CHDH: variants seen among roughly 807,000 people sequenced by gnomAD.
CHDH encodes the protein choline dehydrogenase.
In CHDH, 43 loss-of-function variants were observed where a neutral mutation model predicts 56.9. The ratio of observed to expected loss-of-function variants is 0.76; its 90% CI spans 0.59 to 0.97. The LOEUF (loss-of-function observed/expected upper bound fraction) is 0.97. Among genes scored for constraint, CHDH ranks in the 50% least tolerant of loss-of-function variants. CHDH has a pLI of 0.00. For missense variants in CHDH, 816 were observed against 821.1 expected, an observed-to-expected ratio of 0.99 and a Z score of 0.08; for synonymous variants, 364 against 348.5, an observed-to-expected ratio of 1.04 and a Z score of -0.50.
At chr3:53,842,957 G>C (rs142639028) in intron 1 of CHDH, among the ~76,000 whole-genome samples, 1 of 152,164 alleles carries the variant, frequency 6.6e-6, no homozygotes. Context: ...CACTCTTCAC[G>C]AGACAATGAA....
At position 53,815,140 on chromosome 3, in the gene CHDH, TCTA is replaced by T. The variant is rs2095613665; in HGVS notation, c.*2634_*2636del. On this transcript the variant is annotated 3_prime_UTR_variant, in exon 9 of 9. Coordinates refer to ENST00000315251, the MANE Select transcript of CHDH (RefSeq NM_018397.5). ...TCCCCTATTCCATCAGGAGCTGCCT[TCTA>T]CTAGTGCAGCGGCTTCAACACAGGC... The T allele has an allele frequency of 6.6e-6, 1 of 152,262 alleles. No individual in the cohort carries two copies. Among genetic ancestry groups the T allele is most frequent in the Non-Finnish European group, 1.5e-5 (1 of 68,062 alleles). 9.4% of individuals were successfully genotyped at this position (152,262 alleles called of 1,614,324 possible).
Position 53,843,604 on chromosome 3 carries a change from G to T in CHDH, c.-131+2479C>A, listed in dbSNP as rs558848441. The stretch of plus-strand genomic sequence containing the variant: ...CAAACCAGCTCCCCTGGGTGGGCAG[G>T]CTCAGGCACTGGCCTTGGATGAAGG... On this transcript the variant is annotated intron_variant, in intron 1 of 8. Transcript: ENST00000315251. 3.8e-3 allele frequency among the ~76,000 whole-genome samples: 572 copies of T among 152,220 alleles called. 4 individuals carry two copies. The highest frequency in any genetic ancestry group is 0.013 in the African/African-American group (535 of 41,534).
At chr3:53,821,928 G>A in intron 4 of CHDH, 152 bp from the exon 5 acceptor site, 1 of 978,346 alleles carries the variant, frequency 1.0e-6, no homozygotes, top group Non-Finnish European at 1.5e-6. Flanking sequence ...GCTAAGGAGA[G>A]GAAACTCACT....
Position 53,846,412 on chromosome 3 carries a change from C to CT in CHDH, c.-461_-460insA. 1 of 590,714 alleles carries CT rather than the reference C, an allele frequency of 1.7e-6. No homozygotes were observed. 36.6% of individuals were successfully genotyped at this position (590,714 alleles called of 1,614,324 possible). ...CACGGCCCATCCCTCCGAGCCCCAG[C>CT]AGGCGAGGGCGCTGCGACCTGCCCC... On this transcript the variant is annotated 5_prime_UTR_variant, in exon 1 of 9. Transcript: ENST00000315251.
rs185565059 is a variant in CHDH at position 53,828,284 on chromosome 3, T to C, written c.-59-4217A>G. ...GACCTAAATGTAAAATATAAAACTATAAAACTCCTAGAAGATAACACAGGA... is the reference window on the plus strand; with the variant it reads ...GACCTAAATGTAAAATATAAAACTACAAAACTCCTAGAAGATAACACAGGA... On this transcript the variant is annotated intron_variant, in intron 2 of 8. Coordinates refer to ENST00000315251, the MANE Select transcript of CHDH (RefSeq NM_018397.5). Among the ~76,000 whole-genome samples the C allele has an allele frequency of 2.2e-4, 34 of 151,908 alleles. 1 individual carries two copies. Among genetic ancestry groups the C allele is most frequent in the Admixed American group, 2.0e-3 (31 of 15,262 alleles).
At chr3:53,844,986 C>T (rs945030737) in intron 1 of CHDH, among the ~76,000 whole-genome samples, 17 of 152,258 alleles carry the variant, frequency 1.1e-4, no homozygotes, top group Non-Finnish European at 1.8e-4. Context: ...CAGGAGTACC[C>T]ATCAGCCAGC....
chr3:53,838,549 A>C lies in CHDH; in HGVS notation c.-60+2380T>G, dbSNP rs191287600. 1.9e-3 allele frequency among the ~76,000 whole-genome samples: 287 copies of C among 152,324 alleles called. 2 individuals are homozygous for C. Among genetic ancestry groups the C allele is most frequent in the African/African-American group, 6.2e-3 (257 of 41,568 alleles). ...AGGGGATAGAAGGCGCTGGTGTCCC[A>C]GCTCTTATGCAGTCACATAGCAGCA... On this transcript the variant is annotated intron_variant, in intron 2 of 8. Transcript: ENST00000315251.
chr3:53,844,276 C>G (rs948782343), intron 1 of CHDH, among the ~76,000 whole-genome samples: 1 of 152,176 alleles, frequency 6.6e-6, no homozygotes, highest in Non-Finnish European at 1.5e-5. Context: ...ACCTCCAGAC[C>G]ACCCTCACCT....
intron 2 of CHDH, among the ~76,000 whole-genome samples, chr3:53,825,001 G>A (rs891857376): frequency 4.6e-5 from 7 of 152,282 alleles, no homozygotes; most frequent in Non-Finnish European, 7.4e-5. Flanking sequence ...CCCGTCCACC[G>A]TTGCACAGGC....
intron 2 of CHDH, among the ~76,000 whole-genome samples, chr3:53,840,576 G>C (rs529109948): frequency 6.6e-6 from 1 of 152,050 alleles, no homozygotes; most frequent in East Asian, 1.9e-4. Flanking sequence ...CTAGGGATTA[G>C]GGGGACATAC....
intron 2 of CHDH, 73 bp from the exon 3 acceptor site, chr3:53,824,140 G>A: frequency 2.3e-6 from 2 of 853,714 alleles, no homozygotes; most frequent in Non-Finnish European, 3.4e-6. Flanking sequence ...GGCCTGCCGG[G>A]ACAGGGTGCA....
chr3:53,817,881 T>C lies in CHDH; in HGVS notation c.1681A>G (p.Ile561Val). The change falls in exon 9 of 9, where the codon ATC (isoleucine) becomes GTC (valine). Residue 561 changes from isoleucine to valine, a missense_variant. Coordinates refer to ENST00000315251, the MANE Select transcript of CHDH (RefSeq NM_018397.5). The part of the protein sequence containing the change: ...MVSGNLNAPT[I>V]MIAEKAADII... ...TCAGCTGCCTTCTCTGCGATCATGA[T>C]TGTGGGGGCGTTCAGGTTGCCGCTG... is the stretch of plus-strand genomic sequence containing the variant. 2.5e-6 allele frequency: 4 copies of C among 1,614,170 alleles called. No individual in the cohort carries two copies. Among genetic ancestry groups the C allele is most frequent in the South Asian group, 2.2e-5 (2 of 91,092 alleles).
chr3:53,824,436 G>A (rs550516008), intron 2 of CHDH, among the ~76,000 whole-genome samples: 1 of 152,352 alleles, frequency 6.6e-6, no homozygotes, highest in African/African-American at 2.4e-5. Context: ...AAGACAGTGG[G>A]CTCAGCCCCT....
chr3:53,822,253 C>T (rs1351189354), intron 4 of CHDH, among the ~76,000 whole-genome samples: 3 of 151,842 alleles, frequency 2.0e-5, no homozygotes, highest in African/African-American at 7.3e-5. Context: ...GGGGAGAGCT[C>T]TGAATTAGGC....
intron 1 of CHDH, among the ~76,000 whole-genome samples, chr3:53,844,077 T>G (rs1698771355): frequency 6.6e-6 from 1 of 152,108 alleles, no homozygotes; most frequent in Non-Finnish European, 1.5e-5. Context: ...TACAGGGCCC[T>G]TCACACCCTC....
chr3:53,837,098 G>T (rs965810566), intron 2 of CHDH, among the ~76,000 whole-genome samples: 1 of 152,068 alleles, frequency 6.6e-6, no homozygotes, highest in African/African-American at 2.4e-5. Flanking sequence ...GAAGGCTGAG[G>T]CAGGAGAATC....
intron 2 of CHDH, among the ~76,000 whole-genome samples, chr3:53,832,328 A>G (rs2196663): frequency 0.71 from 107,319 of 151,908 alleles, 38,257 homozygotes; most frequent in East Asian, 1. Flanking sequence ...TCAGGAGATT[A>G]AGACCATCCT....
chr3:53,832,326 T>C (rs1338290910), intron 2 of CHDH, among the ~76,000 whole-genome samples: 3 of 151,888 alleles, frequency 2.0e-5, no homozygotes, highest in Admixed American at 6.6e-5. Context: ...GGTCAGGAGA[T>C]TAAGACCATC....
intron 1 of CHDH, among the ~76,000 whole-genome samples, chr3:53,843,915 T>C (rs1698760616): frequency 6.6e-6 from 1 of 152,234 alleles, no homozygotes; most frequent in Non-Finnish European, 1.5e-5. Context: ...TCATCAGGCT[T>C]AGGCAGCCAA....
Sources: allele counts gnomAD v4.1 joint callset (sites outside exome capture counted in the v4.1 genomes callset), GRCh38; gene constraint gnomAD v4.1.1; transcripts MANE v1.5; gene names NCBI Gene and HGNC (gene_info 2026-07-23, HGNC 2026-07-21).